Variants in MB21D2 observed in about 807,000 individuals in gnomAD.
MB21D2 encodes the protein nucleotidyltransferase MB21D2.
In MB21D2, 9 loss-of-function variants were observed where a neutral mutation model predicts 33.3. The ratio of observed to expected loss-of-function variants is 0.27; its 90% CI spans 0.16 to 0.47. MB21D2 has a LOEUF of 0.47. Among genes scored for constraint, MB21D2 ranks in the 20% least tolerant of loss-of-function variants. The pLI, the probability that MB21D2 is intolerant of heterozygous loss-of-function variation, is 0.99. For missense variants in MB21D2, 540 were observed against 624.6 expected, an observed-to-expected ratio of 0.86 and a Z score of 1.44; for synonymous variants, 241 against 236.3, an observed-to-expected ratio of 1.02 and a Z score of -0.18.
At chr3:192,870,695 C>T (rs564594268) in intron 1 of MB21D2, among the ~76,000 whole-genome samples, 2 of 26,490 alleles carry the variant, frequency 7.6e-5, no homozygotes, top group East Asian at 2.8e-3. Context: ...TGGGCGACTC[C>T]GTTGAAAAAA....
chr3:192,892,478 T>C (rs1713871417), intron 1 of MB21D2, among the ~76,000 whole-genome samples: 1 of 152,220 alleles, frequency 6.6e-6, no homozygotes. Context: ...GGGATAGAGT[T>C]TCGCTGTTGA....
At chr3:192,832,502 G>T (rs1432872462) in intron 1 of MB21D2, among the ~76,000 whole-genome samples, 1 of 152,178 alleles carries the variant, frequency 6.6e-6, no homozygotes, top group Non-Finnish European at 1.5e-5. Context: ...ATATGAAAGA[G>T]TATGTCTCGC....
At chr3:192,842,493 T>G (rs147053423) in intron 1 of MB21D2, among the ~76,000 whole-genome samples, 1 of 152,258 alleles carries the variant, frequency 6.6e-6, no homozygotes, top group Non-Finnish European at 1.5e-5. Context: ...CACAAAATTA[T>G]AGTAACTATG....
At chr3:192,834,336 A>G (rs1001113463) in intron 1 of MB21D2, among the ~76,000 whole-genome samples, 2 of 151,654 alleles carry the variant, frequency 1.3e-5, no homozygotes, top group Non-Finnish European at 2.9e-5. Context: ...AAACCAAACA[A>G]AACAAAACAA....
chr3:192,908,428 T>TC (rs1714259140), intron 1 of MB21D2, among the ~76,000 whole-genome samples: 1 of 148,568 alleles, frequency 6.7e-6, no homozygotes, highest in Admixed American at 6.7e-5. Context: ...AGACAGAGTC[T>TC]CCCTCTGTCG....
At chr3:192,800,573 A>G (rs1711541974) in intron 1 of MB21D2, among the ~76,000 whole-genome samples, 2 of 152,270 alleles carry the variant, frequency 1.3e-5, no homozygotes, top group African/African-American at 4.8e-5. Flanking sequence ...CTTGATGGAG[A>G]AGAAAAATAA....
rs186382601 is a variant in MB21D2 at position 192,805,213 on chromosome 3, G to A, written c.212-5563C>T. Reference sequence around the variant, plus strand: ...TTTTTATTGGTCAAATCTTTAGTGGGACCTGGGACAACTGGCAGAACATGT... The same window carrying A: ...TTTTTATTGGTCAAATCTTTAGTGGAACCTGGGACAACTGGCAGAACATGT... On this transcript the variant is annotated intron_variant, in intron 1 of 1. Coordinates refer to ENST00000392452, the MANE Select transcript of MB21D2 (RefSeq NM_178496.4). Among the ~76,000 whole-genome samples the A allele has an allele frequency of 1.6e-3, 251 of 152,310 alleles. 3 individuals are homozygous for A. The highest frequency in any genetic ancestry group is 4.1e-3 in the Admixed American group (62 of 15,290).
intron 1 of MB21D2, among the ~76,000 whole-genome samples, chr3:192,849,717 A>T (rs1712758085): frequency 6.6e-6 from 1 of 152,202 alleles, no homozygotes; most frequent in Admixed American, 6.5e-5. Context: ...TAAATAAAAA[A>T]AACTATATTT....
At chr3:192,848,628 T>A (rs1252680999) in intron 1 of MB21D2, among the ~76,000 whole-genome samples, 2 of 152,224 alleles carry the variant, frequency 1.3e-5, no homozygotes, top group African/African-American at 4.8e-5. Context: ...CTAACGTGAA[T>A]AAAACCTTGT....
intron 1 of MB21D2, among the ~76,000 whole-genome samples, chr3:192,885,283 C>T (rs1403680847): frequency 6.6e-6 from 1 of 152,088 alleles, no homozygotes; most frequent in African/African-American, 2.4e-5. Context: ...TCTATCATTT[C>T]TGTCAACGTG....
intron 1 of MB21D2, among the ~76,000 whole-genome samples, chr3:192,867,877 AG>A (rs1181586162): frequency 2.0e-5 from 3 of 152,128 alleles, no homozygotes; most frequent in African/African-American, 7.2e-5. Flanking sequence ...AAGCTAACTT[AG>A]ACTAAGGCTG....
intron 1 of MB21D2, among the ~76,000 whole-genome samples, chr3:192,910,839 T>C (rs931553229): frequency 6.6e-6 from 1 of 152,174 alleles, no homozygotes; most frequent in African/African-American, 2.4e-5. Context: ...AGGCCCAACA[T>C]AGGTTAGGAG....
intron 1 of MB21D2, among the ~76,000 whole-genome samples, chr3:192,868,825 A>G (rs1713225332): frequency 6.6e-6 from 1 of 152,202 alleles, no homozygotes; most frequent in South Asian, 2.1e-4. Context: ...AAGATAACCC[A>G]ACAGACTGAC....
intron 1 of MB21D2, among the ~76,000 whole-genome samples, chr3:192,889,876 C>T (rs892981373): frequency 8.6e-5 from 13 of 151,986 alleles, no homozygotes; most frequent in African/African-American, 3.1e-4. Flanking sequence ...CACCCACATC[C>T]AGAGTCAACA....
rs142133804 is a variant in MB21D2 at position 192,874,481 on chromosome 3, C to T, written c.211+43149G>A. On this transcript the variant is annotated intron_variant, in intron 1 of 1. Coordinates refer to ENST00000392452, the MANE Select transcript of MB21D2 (RefSeq NM_178496.4). Reference sequence around the variant, plus strand: ...CCACAAACATCAAAATTTACCTAAACGATGTCACTAATTCCCAGTTTCCCA... The same window carrying T: ...CCACAAACATCAAAATTTACCTAAATGATGTCACTAATTCCCAGTTTCCCA... 5.1e-4 allele frequency among the ~76,000 whole-genome samples: 78 copies of T among 152,326 alleles called. 1 individual carries two copies. In the South Asian group the frequency reaches 7.7e-3, roughly 15 times the overall value.
chr3:192,800,105 T>C (rs1711523057), intron 1 of MB21D2, among the ~76,000 whole-genome samples: 1 of 152,202 alleles, frequency 6.6e-6, no homozygotes, highest in Admixed American at 6.5e-5. Flanking sequence ...CGGCCTTTTT[T>C]ATCTATTGCC....
At chr3:192,917,551 AG>A (rs1483225481) in intron 1 of MB21D2, 78 bp downstream of exon 1, 2 of 1,489,048 alleles carry the variant, frequency 1.3e-6, no homozygotes, top group Non-Finnish European at 1.9e-6. Flanking sequence ...GAAGAGGTCG[AG>A]AAGCGGCAAT....
chr3:192,798,901 G>A lies in MB21D2; in HGVS notation c.961C>T (p.Leu321=), dbSNP rs771777810. 16 of 1,613,658 alleles carry A rather than the reference G, an allele frequency of 9.9e-6. No homozygotes were observed. The highest frequency in any genetic ancestry group is 1.7e-5 in the Admixed American group (1 of 60,028). ...GGGCTAATAGCCTTGGGCCGGGACA[G>A]CAGTTTAATGATGATGGCTTTGCAG... ...QACKAIIIKL[L]SRPKAISPYH... Residue 321 remains leucine (L), a synonymous_variant, in exon 2 of 2, where the codon CTG becomes TTG. Coordinates refer to ENST00000392452, the MANE Select transcript of MB21D2 (RefSeq NM_178496.4). The surrounding 1 kb of genome is among the most constrained non-coding windows in gnomAD (Gnocchi z 4.8).
At chr3:192,889,010 T>C (rs58668569) in intron 1 of MB21D2, among the ~76,000 whole-genome samples, 14,763 of 151,944 alleles carry the variant, frequency 0.097, 895 homozygotes, top group East Asian at 0.16. Flanking sequence ...GGTTCACATA[T>C]GCATGACAGG....
Sources: gnomAD v4.1 joint callset for allele counts (sites outside exome capture counted in the v4.1 genomes callset) on GRCh38, gnomAD v4.1.1 for gene constraint, Gnocchi (gnomAD v3.1) non-coding constraint, MANE v1.5 for transcripts, NCBI Gene and HGNC (gene_info 2026-07-23, HGNC 2026-07-21) for gene names.